LMAN1: variants seen among roughly 807,000 people sequenced by gnomAD.
The protein encoded by LMAN1 is lectin, mannose binding 1.
In LMAN1, 32 loss-of-function variants were observed where a neutral mutation model predicts 67.8. The ratio of observed to expected loss-of-function variants is 0.47; its 90% CI spans 0.36 to 0.63. The LOEUF (loss-of-function observed/expected upper bound fraction) is 0.63. Among genes scored for constraint, LMAN1 ranks in the 30% least tolerant of loss-of-function variants. LMAN1 has a pLI of 0.00. For missense variants in LMAN1, 632 were observed against 628.2 expected, an observed-to-expected ratio of 1.01 and a Z score of -0.06; for synonymous variants, 235 against 219.3, an observed-to-expected ratio of 1.07 and a Z score of -0.63.
rs41481647 is a variant in LMAN1 at position 59,331,310 on chromosome 18, A to G, written c.1496+108T>C. The G allele has an allele frequency of 4.0e-3, 4,940 of 1,238,464 alleles. 171 individuals carry two copies. The African/African-American group carries it at 0.066, about 17-fold the overall frequency. 76.7% of individuals were successfully genotyped at this position (1,238,464 alleles called of 1,614,324 possible). ...ATGAACAGAAATCACAATAAACTTA[A>G]TTTTATAGGTGGTGAAAATTGTATT... On this transcript the variant is annotated intron_variant, in intron 12 of 12. Coordinates refer to ENST00000251047, the MANE Select transcript of LMAN1 (RefSeq NM_005570.4).
chr18:59,338,742 C>A lies in LMAN1; in HGVS notation c.1149+18G>T, dbSNP rs761961117. Reference sequence around the variant, plus strand: ...GCAAAGGGTAAATGGGGCACATCTGCATATTCTGCAAGCCCACCTGCCCAT... The same window carrying A: ...GCAAAGGGTAAATGGGGCACATCTGAATATTCTGCAAGCCCACCTGCCCAT... On this transcript the variant is annotated intron_variant, in intron 9 of 12. Coordinates refer to ENST00000251047, the MANE Select transcript of LMAN1 (RefSeq NM_005570.4). 1.2e-6 allele frequency: 2 copies of A among 1,613,724 alleles called. No homozygotes were observed. Among genetic ancestry groups the A allele is most frequent in the Non-Finnish European group, 1.7e-6 (2 of 1,179,626 alleles).
rs534664183 is a variant in LMAN1 at position 59,330,299 on chromosome 18, T to C, written c.*794A>G. On this transcript the variant is annotated 3_prime_UTR_variant, in exon 13 of 13. Coordinates refer to ENST00000251047, the MANE Select transcript of LMAN1 (RefSeq NM_005570.4). ...AGAAATAAATTCCTTAAGTTACAAA[T>C]ATAAATATAAAAATTATTTTCATAA... is the stretch of plus-strand genomic sequence containing the variant. 3 of 152,634 alleles carry C rather than the reference T, an allele frequency of 2.0e-5. No homozygotes were observed. In the East Asian group the frequency reaches 5.8e-4, roughly 29 times the overall value. The allele number at this position is 152,634 out of a possible 1,614,324, so 9.5% of individuals were successfully genotyped here.
intron 7 of LMAN1, among the ~76,000 whole-genome samples, chr18:59,346,252 G>A (rs1448877775): frequency 8.7e-6 from 1 of 114,726 alleles, no homozygotes; most frequent in Non-Finnish European, 1.6e-5. Flanking sequence ...CAAGAGTCGC[G>A]CTCTGTCACC....
At chr18:59,353,777 T>C (rs948437240) in intron 4 of LMAN1, among the ~76,000 whole-genome samples, 1 of 152,188 alleles carries the variant, frequency 6.6e-6, no homozygotes, top group African/African-American at 2.4e-5. Flanking sequence ...TCAACATCCA[T>C]AGGACATTGG....
chr18:59,339,018 A>G, intron 8 of LMAN1, 65 bp from the exon 9 acceptor site: 1 of 1,394,014 alleles, frequency 7.2e-7, no homozygotes, highest in Non-Finnish European at 1.0e-6. Flanking sequence ...GAAATAACGT[A>G]AGTGACCAAA....
intron 8 of LMAN1, among the ~76,000 whole-genome samples, chr18:59,342,047 C>T (rs368280833): frequency 1.2e-4 from 18 of 152,112 alleles, no homozygotes; most frequent in African/African-American, 4.1e-4. Flanking sequence ...ACTATTTGAA[C>T]ACCTATATGC....
intron 8 of LMAN1, 117 bp downstream of exon 8, chr18:59,345,802 T>C (rs558317001): frequency 7.6e-6 from 9 of 1,192,028 alleles, no homozygotes; most frequent in South Asian, 6.5e-5. Context: ...CAGAAATCAC[T>C]TGGAATGTGC....
At chr18:59,354,607 A>G (rs1230651501) in intron 3 of LMAN1, 27 bp from the exon 4 acceptor site, 1 of 1,149,994 alleles carries the variant, frequency 8.7e-7, no homozygotes, top group Admixed American at 1.7e-5. Context: ...CATTTTAAAA[A>G]ATGTCTTTAA....
rs966126904 is a variant in LMAN1 at position 59,341,430 on chromosome 18, C to T, written c.956-2477G>A. 1.4e-4 allele frequency among the ~76,000 whole-genome samples: 21 copies of T among 152,208 alleles called. 1 individual carries two copies. Among genetic ancestry groups the T allele is most frequent in the Admixed American group, 9.8e-4 (15 of 15,296 alleles). ...TTTCACCAGCACATAGAAGACTCTC[C>T]GACACAGGACTACATATTAGGCCAC... is the stretch of plus-strand genomic sequence containing the variant. On this transcript the variant is annotated intron_variant, in intron 8 of 12. Coordinates refer to ENST00000251047, the MANE Select transcript of LMAN1 (RefSeq NM_005570.4).
At chr18:59,354,650 T>C (rs1467798519) in intron 3 of LMAN1, 70 bp from the exon 4 acceptor site, 10 of 776,348 alleles carry the variant, frequency 1.3e-5, no homozygotes, top group African/African-American at 1.0e-4. Flanking sequence ...TGATGTACTA[T>C]GAAGTGACTT....
At chr18:59,352,502 A>T (rs1046668598) in intron 5 of LMAN1, among the ~76,000 whole-genome samples, 1 of 152,164 alleles carries the variant, frequency 6.6e-6, no homozygotes, top group Non-Finnish European at 1.5e-5. Context: ...CTGCCCTTTC[A>T]ACCTCACTGC....
rs753776578 is a variant in LMAN1, at chr18:59,330,769, C to A, written c.*324G>T. ...TGTTTACGTTATACAGGGAAACCTGCAATATTGGAGACTTAGGGGGTAACA... is the reference window on the plus strand; with the variant it reads ...TGTTTACGTTATACAGGGAAACCTGAAATATTGGAGACTTAGGGGGTAACA... On this transcript the variant is annotated 3_prime_UTR_variant, in exon 13 of 13. Transcript: ENST00000251047. 1 of 285,352 alleles carries A rather than the reference C, an allele frequency of 3.5e-6. No individual in the cohort carries two copies. The highest frequency in any genetic ancestry group is 6.6e-6 in the Non-Finnish European group (1 of 152,116). The allele number at this position is 285,352 out of a possible 1,614,324, so 17.7% of individuals were successfully genotyped here. A position where few individuals can be genotyped will look rare whatever the true frequency, so the allele number is the denominator to read the frequency against.
At chr18:59,353,112 T>A in intron 5 of LMAN1, 90 bp downstream of exon 5, 3 of 1,130,026 alleles carry the variant, frequency 2.7e-6, no homozygotes, top group Non-Finnish European at 4.0e-6. Context: ...TATCCAAATT[T>A]AAGTGCATTT....
chr18:59,347,980 C>T (rs1251068591), intron 6 of LMAN1, among the ~76,000 whole-genome samples: 1 of 152,236 alleles, frequency 6.6e-6, no homozygotes, highest in Non-Finnish European at 1.5e-5. Flanking sequence ...GAGAGAAAAT[C>T]CTGGTCTCCA....
chr18:59,348,973 G>C (rs12456312), intron 6 of LMAN1, 140 bp downstream of exon 6: 2 of 991,172 alleles, frequency 2.0e-6, no homozygotes, highest in African/African-American at 1.6e-5. Flanking sequence ...CAGACCAAAA[G>C]ACTGGCACAA....
At position 59,348,803 on chromosome 18, in the gene LMAN1, C is replaced by T. The variant is rs141372793; in HGVS notation, c.763+310G>A. Among the ~76,000 whole-genome samples the T allele has an allele frequency of 1.8e-3, 279 of 152,296 alleles. 1 individual carries two copies. Among genetic ancestry groups the T allele is most frequent in the African/African-American group, 6.6e-3 (276 of 41,556 alleles). ...AGTTAATTGTCATGTGGTTTGATCT[C>T]CAGCCTTTAAGCCTGCTGACTTTGA... is the stretch of plus-strand genomic sequence containing the variant. On this transcript the variant is annotated intron_variant, in intron 6 of 12. Coordinates refer to ENST00000251047, the MANE Select transcript of LMAN1 (RefSeq NM_005570.4).
chr18:59,345,881 C>T (rs556729928), intron 8 of LMAN1, 38 bp downstream of exon 8: 1 of 1,612,912 alleles, frequency 6.2e-7, no homozygotes, highest in East Asian at 2.2e-5. Flanking sequence ...AGCCTCAAGC[C>T]CTGCTGCGGC....
At chr18:59,337,967 C>A (rs1464972886) in intron 10 of LMAN1, among the ~76,000 whole-genome samples, 1 of 152,152 alleles carries the variant, frequency 6.6e-6, no homozygotes, top group African/African-American at 2.4e-5. Context: ...CTGCTCCAGG[C>A]ATTGAAAGCT....
chr18:59,342,135 C>A (rs1908302058), intron 8 of LMAN1, among the ~76,000 whole-genome samples: 1 of 151,774 alleles, frequency 6.6e-6, no homozygotes, highest in African/African-American at 2.4e-5. Context: ...CAGGAAGAAA[C>A]AGAACTCCTG....
Sources: allele counts gnomAD v4.1 joint callset (sites outside exome capture counted in the v4.1 genomes callset), GRCh38; gene constraint gnomAD v4.1.1; transcripts MANE v1.5; gene names NCBI Gene and HGNC (gene_info 2026-07-23, HGNC 2026-07-21).